Variants in CSMD1 observed in about 807,000 individuals in gnomAD.
CSMD1 encodes the protein CUB and sushi domain-containing protein 1.
A neutral mutation model predicts 417.5 loss-of-function variants in CSMD1; 213 were observed. That is an observed-to-expected ratio of 0.51 (90% CI 0.46 to 0.57). The LOEUF (loss-of-function observed/expected upper bound fraction) is 0.57. Ranked by LOEUF, CSMD1 falls within the 20% of genes least tolerant of loss-of-function variation. The pLI is 0.00. For synonymous variants in CSMD1, 2,862 were observed against 1,736.8 expected, an observed-to-expected ratio of 1.65 and a Z score of -16.11; for missense variants, 6,923 against 4,529.7, an observed-to-expected ratio of 1.53 and a Z score of -15.17.
chr8:3,826,619 C>T (rs1287760988), intron 5 of CSMD1, among the ~76,000 whole-genome samples: 1 of 152,122 alleles, frequency 6.6e-6, no homozygotes, highest in African/African-American at 2.4e-5. Flanking sequence ...TCCCGTTCTG[C>T]TGAGTATTAC....
At chr8:3,551,116 C>A (rs1455885270) in intron 10 of CSMD1, among the ~76,000 whole-genome samples, 1 of 152,276 alleles carries the variant, frequency 6.6e-6, no homozygotes, top group South Asian at 2.1e-4. Flanking sequence ...GACTTGACCT[C>A]TTTGTGATTC....
At chr8:3,640,285 G>C (rs1438468441) in intron 7 of CSMD1, among the ~76,000 whole-genome samples, 3 of 152,130 alleles carry the variant, frequency 2.0e-5, no homozygotes, top group Admixed American at 1.3e-4. Flanking sequence ...GCCTGTTTTG[G>C]AACATTTAGT....
intron 3 of CSMD1, among the ~76,000 whole-genome samples, chr8:4,306,509 C>T (rs2407890): frequency 0.76 from 114,787 of 151,914 alleles, 43,491 homozygotes; most frequent in East Asian, 0.85. Context: ...TCTAGAACCA[C>T]TGATATCCAC....
At chr8:3,468,900 G>A (rs1186567389) in intron 11 of CSMD1, 76 bp from the exon 12 acceptor site, 6 of 976,882 alleles carry the variant, frequency 6.1e-6, no homozygotes, top group East Asian at 2.6e-5. Flanking sequence ...GGAGGGTCTT[G>A]CTGCTTTAAA....
At chr8:4,264,900 G>C (rs1308933130) in intron 3 of CSMD1, among the ~76,000 whole-genome samples, 2 of 152,144 alleles carry the variant, frequency 1.3e-5, no homozygotes, top group Admixed American at 6.6e-5. Context: ...AAAACATGTA[G>C]GAATTGGGTT....
intron 3 of CSMD1, among the ~76,000 whole-genome samples, chr8:4,331,600 G>A (rs1430805604): frequency 1.3e-5 from 2 of 152,134 alleles, no homozygotes; most frequent in Non-Finnish European, 2.9e-5. Context: ...AACATTTATA[G>A]TGGCAACTGT....
chr8:3,864,156 C>T lies in CSMD1; in HGVS notation c.819-110114G>A, dbSNP rs535250465. Among the ~76,000 whole-genome samples the T allele has an allele frequency of 4.6e-5, 7 of 152,238 alleles. No individual in the cohort carries two copies. In the South Asian group the frequency reaches 1.0e-3, roughly 23 times the overall value. ...AATGTGACCAGCATTTATGGATCAC[C>T]TTTAATATTATAGGAAATCTGCTAA... On this transcript the variant is annotated intron_variant, in intron 5 of 69. Coordinates refer to ENST00000635120, the MANE Select transcript of CSMD1 (RefSeq NM_033225.6).
At chr8:4,088,174 C>T (rs115255420) in intron 3 of CSMD1, among the ~76,000 whole-genome samples, 1 of 152,168 alleles carries the variant, frequency 6.6e-6, no homozygotes, top group Non-Finnish European at 1.5e-5. Context: ...ATATTCTTCC[C>T]GTTGTTTTTA....
intron 30 of CSMD1, among the ~76,000 whole-genome samples, chr8:3,213,492 G>C (rs1797726249): frequency 6.6e-6 from 1 of 152,120 alleles, no homozygotes; most frequent in African/African-American, 2.4e-5. Flanking sequence ...GGCAGCTGCT[G>C]TCTGACTTCA....
intron 7 of CSMD1, among the ~76,000 whole-genome samples, chr8:3,662,253 G>A (rs1375683841): frequency 6.6e-6 from 1 of 152,246 alleles, no homozygotes; most frequent in Non-Finnish European, 1.5e-5. Context: ...CTCAATCCCA[G>A]ATGGGAGCAT....
At chr8:4,023,638 G>A (rs1262128144) in intron 4 of CSMD1, among the ~76,000 whole-genome samples, 1 of 147,508 alleles carries the variant, frequency 6.8e-6, no homozygotes, top group South Asian at 2.1e-4. Flanking sequence ...CCAGGCTAGA[G>A]TGCAGTGGCG....
chr8:3,489,532 G>A (rs1489889775), intron 11 of CSMD1, among the ~76,000 whole-genome samples: 5 of 152,158 alleles, frequency 3.3e-5, no homozygotes, highest in Non-Finnish European at 7.3e-5. Flanking sequence ...AGTCTCAATA[G>A]ATGTACTTGG....
chr8:3,046,617 T>C (rs1221564639), intron 50 of CSMD1, among the ~76,000 whole-genome samples: 5 of 152,070 alleles, frequency 3.3e-5, no homozygotes, highest in African/African-American at 1.2e-4. Context: ...CACGGTACAG[T>C]GTACCCCCAG....
chr8:4,450,756 C>G (rs1173246972), intron 2 of CSMD1, among the ~76,000 whole-genome samples: 1 of 152,178 alleles, frequency 6.6e-6, no homozygotes, highest in Non-Finnish European at 1.5e-5. Context: ...ACAGCGGTCT[C>G]TTCACAAATT....
At chr8:4,414,863 G>C (rs1796841301) in intron 3 of CSMD1, among the ~76,000 whole-genome samples, 1 of 152,116 alleles carries the variant, frequency 6.6e-6, no homozygotes, top group Non-Finnish European at 1.5e-5. Context: ...CCAGAGAGTA[G>C]GCATATGAGG....
At chr8:3,757,081 G>C (rs949182607) in intron 5 of CSMD1, among the ~76,000 whole-genome samples, 1 of 152,140 alleles carries the variant, frequency 6.6e-6, no homozygotes, top group Non-Finnish European at 1.5e-5. Flanking sequence ...GGGATTACAG[G>C]CGTGAACCAC....
chr8:3,548,320 T>C (rs1309054542), intron 10 of CSMD1, among the ~76,000 whole-genome samples: 4 of 152,130 alleles, frequency 2.6e-5, no homozygotes, highest in African/African-American at 9.7e-5. Context: ...CCATAGGTAA[T>C]TGGGGAACAG....
chr8:3,578,142 A>G (rs1192988083), intron 9 of CSMD1, among the ~76,000 whole-genome samples: 1 of 152,236 alleles, frequency 6.6e-6, no homozygotes, highest in Non-Finnish European at 1.5e-5. Context: ...TCCCTCCGTC[A>G]GCTTCCAGCA....
At chr8:4,118,170 G>A (rs1038401301) in intron 3 of CSMD1, among the ~76,000 whole-genome samples, 6 of 152,080 alleles carry the variant, frequency 3.9e-5, no homozygotes, top group African/African-American at 1.4e-4. Context: ...AGAGGGGTGT[G>A]TTGGTACATT....
Sources: gnomAD v4.1 joint callset for allele counts (sites outside exome capture counted in the v4.1 genomes callset) on GRCh38, gnomAD v4.1.1 for gene constraint, MANE v1.5 for transcripts, NCBI Gene and HGNC (gene_info 2026-07-23, HGNC 2026-07-21) for gene names.